NME9: variants seen among roughly 807,000 people sequenced by gnomAD.
The protein encoded by NME9 is thioredoxin domain-containing protein 6.
A neutral mutation model predicts 44.4 loss-of-function variants in NME9; 48 were observed. The observed-to-expected ratio is 1.08, with a 90% CI of 0.86 to 1.37. The LOEUF is 1.37. Among genes scored for constraint, NME9 ranks in the 40% most tolerant of loss-of-function variants. The probability of loss-of-function intolerance (pLI) is 0.00; values close to 1 mark genes in which losing one functional copy is unlikely to be tolerated. For synonymous variants in NME9, 139 were observed against 147.1 expected (o/e 0.94, Z 0.40); for missense variants, 325 against 405.2 (o/e 0.80, Z 1.70).
At position 138,301,243 on chromosome 3, in the gene NME9, C is replaced by T. The variant is rs979752545; in HGVS notation, c.*397G>A. The T allele has an allele frequency of 1.8e-6, 1 of 569,140 alleles. No homozygotes were observed. Among genetic ancestry groups the T allele is most frequent in the African/African-American group, 2.0e-5 (1 of 49,044 alleles). The allele number at this position is 569,140 out of a possible 1,614,324, so 35.3% of individuals were successfully genotyped here. A position where few individuals can be genotyped will look rare whatever the true frequency, so the allele number is the denominator to read the frequency against. On this transcript the variant is annotated 3_prime_UTR_variant, in exon 11 of 11. Transcript: ENST00000333911. Reference sequence around the variant, plus strand: ...TTATTAAGATGGAGTCTCACTCTGTCACCCAGGCTGGAGTGCAGTGGCATG... The same window carrying T: ...TTATTAAGATGGAGTCTCACTCTGTTACCCAGGCTGGAGTGCAGTGGCATG...
intron 4 of NME9, among the ~76,000 whole-genome samples, chr3:138,316,702 C>T (rs1256348081): frequency 6.6e-6 from 1 of 151,954 alleles, no homozygotes; most frequent in Non-Finnish European, 1.5e-5. Flanking sequence ...GCAACCTCCG[C>T]CTCCTGGGTT....
chr3:138,282,423 G>A (rs2050022385), intron 8 of NME9, among the ~76,000 whole-genome samples: 1 of 152,064 alleles, frequency 6.6e-6, no homozygotes, highest in Non-Finnish European at 1.5e-5. Flanking sequence ...CAGGGCGGGT[G>A]GATCATGAGG....
At chr3:138,280,324 T>A (rs768821364) in intron 8 of NME9, among the ~76,000 whole-genome samples, 9 of 151,264 alleles carry the variant, frequency 5.9e-5, no homozygotes, top group African/African-American at 1.9e-4. Flanking sequence ...TTATTATTAT[T>A]ATATATATTT....
chr3:138,302,501 C>T (rs1004805274), intron 10 of NME9, among the ~76,000 whole-genome samples: 1 of 152,314 alleles, frequency 6.6e-6, no homozygotes, highest in Admixed American at 6.5e-5. Context: ...TCTCTGAGGG[C>T]AGGTCCCAGA....
At chr3:138,287,566 T>G in intron 8 of NME9, 1 of 453,580 alleles carries the variant, frequency 2.2e-6, no homozygotes, top group Non-Finnish European at 4.4e-6. Context: ...AGCTCATTTA[T>G]TCAACAAATA....
chr3:138,287,024 C>A (rs149898719), intron 8 of NME9, among the ~76,000 whole-genome samples: 10 of 152,338 alleles, frequency 6.6e-5, no homozygotes, highest in South Asian at 4.1e-4. Context: ...TTCATCACCA[C>A]TGCCCCCACC....
intron 8 of NME9, among the ~76,000 whole-genome samples, chr3:138,276,381 G>GT (rs2049294800): frequency 6.6e-6 from 1 of 152,172 alleles, no homozygotes; most frequent in Admixed American, 6.6e-5. Context: ...TAAAACATAT[G>GT]TATCACTGCC....
chr3:138,290,327 A>T (rs2050817461), intron 8 of NME9, among the ~76,000 whole-genome samples: 1 of 152,140 alleles, frequency 6.6e-6, no homozygotes, highest in Non-Finnish European at 1.5e-5. Context: ...CCCAGGATAG[A>T]CTGCAGGCAG....
chr3:138,261,604 CT>C (rs2047749396), exon 9 of NME9: 2 of 152,046 alleles, frequency 1.3e-5, no homozygotes, highest in African/African-American at 4.8e-5. Flanking sequence ...TGGACAGAGC[CT>C]TTATTGTATA....
intron 8 of NME9, among the ~76,000 whole-genome samples, chr3:138,265,341 T>A (rs766075937): frequency 3.9e-5 from 6 of 152,256 alleles, no homozygotes; most frequent in Non-Finnish European, 7.3e-5. Context: ...TGTTATCCCC[T>A]GATACACTAC....
At chr3:138,318,072 G>C in intron 4 of NME9, 76 bp downstream of exon 4, 1 of 920,960 alleles carries the variant, frequency 1.1e-6, no homozygotes, top group Non-Finnish European at 1.8e-6. Context: ...GTGAATTAAT[G>C]TCAGTGAGAT....
intron 8 of NME9, among the ~76,000 whole-genome samples, chr3:138,269,724 C>T (rs74470565): frequency 0.011 from 1,644 of 151,534 alleles, 35 homozygotes; most frequent in African/African-American, 0.037. Context: ...TCATAAGGGT[C>T]TGTGTGAAAT....
intron 8 of NME9, chr3:138,290,691 T>C: frequency 8.2e-7 from 1 of 1,213,104 alleles, no homozygotes; most frequent in South Asian, 1.3e-5. Flanking sequence ...GATTCTTTCG[T>C]GAAAGGGTTT....
intron 8 of NME9, among the ~76,000 whole-genome samples, chr3:138,270,953 T>G (rs1415997395): frequency 3.9e-5 from 6 of 152,190 alleles, no homozygotes; most frequent in Admixed American, 3.3e-4. Flanking sequence ...TATCCCTCAT[T>G]CTTATTTTAA....
rs111458947 is a variant in NME9 at position 138,316,604 on chromosome 3, C to CTATT, written c.268-965_268-962dup. ...TTTCTGCTTTAACTCTTTCAAAAGT[C>CTATT]TATTTATTTATTTATTTATTTATTT... On this transcript the variant is annotated intron_variant, in intron 4 of 10. Coordinates refer to ENST00000333911, the MANE Select transcript of NME9 (RefSeq NM_001349018.2). Among the ~76,000 whole-genome samples, 1,235 of 151,828 alleles carry CTATT rather than the reference C, an allele frequency of 8.1e-3. 7 individuals are homozygous for CTATT. The highest frequency in any genetic ancestry group is 0.014 in the African/African-American group (594 of 41,348).
intron 8 of NME9, among the ~76,000 whole-genome samples, chr3:138,286,704 G>A (rs966514028): frequency 4.6e-5 from 7 of 152,022 alleles, no homozygotes; most frequent in African/African-American, 1.7e-4. Context: ...TAAGATCACT[G>A]GGTGGTTCTT....
At chr3:138,305,838 C>G in intron 8 of NME9, 166 bp downstream of exon 8, 1 of 570,092 alleles carries the variant, frequency 1.8e-6, no homozygotes. Flanking sequence ...AAAACTTTAC[C>G]TGATACAGCC....
chr3:138,307,533 C>A (rs2052364341), intron 6 of NME9, among the ~76,000 whole-genome samples: 1 of 152,188 alleles, frequency 6.6e-6, no homozygotes, highest in South Asian at 2.1e-4. Flanking sequence ...ACATGTACTG[C>A]AAATGTATAA....
chr3:138,305,009 C>A lies in NME9; in HGVS notation c.655G>T (p.Val219Leu). 6.2e-7 allele frequency: 1 copy of A among 1,613,998 alleles called. No individual in the cohort carries two copies. The highest frequency in any genetic ancestry group is 1.1e-5 in the South Asian group (1 of 91,068). ...CTTGGTCCACTGCACATGTGATGTA[C>A]CAGCTTCTCAAATGCCTCCTAGGCA... ...KAGEEAFEKL[V>L]HHMCSGPSHL... Residue 219 changes from valine (V) to leucine (L), a missense_variant, in exon 9 of 11, where the codon GTA becomes TTA. Physicochemically the swap from Val to Leu is conservative, Grantham distance 32. Transcript: ENST00000333911.
Sources: gnomAD v4.1 joint callset for allele counts (sites outside exome capture counted in the v4.1 genomes callset) on GRCh38, gnomAD v4.1.1 for gene constraint, MANE v1.5 for transcripts, NCBI Gene and HGNC (gene_info 2026-07-23, HGNC 2026-07-21) for gene names.